Variants in SLC4A5 observed in about 807,000 individuals in gnomAD.
SLC4A5 encodes the protein electrogenic sodium bicarbonate cotransporter 4.
SLC4A5 carries 96 observed loss-of-function variants against 120.4 expected under a neutral mutation model. The observed-to-expected ratio is 0.80, with a 90% CI of 0.68 to 0.94. The LOEUF is 0.94. SLC4A5 is among the 40% of genes least tolerant of loss of function. The pLI is 0.00. For synonymous variants in SLC4A5, 550 were observed against 571.1 expected (o/e 0.96, Z 0.53); for missense variants, 1,259 against 1,459.5 (o/e 0.86, Z 2.24).
intron 25 of SLC4A5, among the ~76,000 whole-genome samples, chr2:74,228,866 A>G (rs1202942135): frequency 6.6e-6 from 1 of 152,072 alleles, no homozygotes; most frequent in Non-Finnish European, 1.5e-5. Flanking sequence ...ATCCCACTCT[A>G]CAAGAATGAT....
chr2:74,227,763 G>A (rs1694901342), intron 26 of SLC4A5, 47 bp downstream of exon 26: 1 of 1,512,340 alleles, frequency 6.6e-7, no homozygotes, highest in South Asian at 1.2e-5. Context: ...AACCAGACAT[G>A]GAATGTTGAC....
chr2:74,313,767 G>T (rs1001125970), intron 6 of SLC4A5, among the ~76,000 whole-genome samples: 1 of 152,216 alleles, frequency 6.6e-6, no homozygotes, highest in Non-Finnish European at 1.5e-5. Context: ...TTAGAGGTAA[G>T]TAGTTCCACT....
rs114016623 is a variant in SLC4A5, at chr2:74,259,111, C to T, written c.867+477G>A. Among the ~76,000 whole-genome samples, 901 of 152,256 alleles carry T rather than the reference C, an allele frequency of 5.9e-3. 9 individuals are homozygous for T. The highest frequency in any genetic ancestry group is 0.019 in the African/African-American group (772 of 41,536). On this transcript the variant is annotated intron_variant, in intron 12 of 30. Transcript: ENST00000394019. ...TGTTTGCAGAATTCTGATCTCATCA[C>T]GAGGGTTTCAGCCCAGTTCATGGGA...
At chr2:74,303,941 C>G (rs982801230) in intron 7 of SLC4A5, among the ~76,000 whole-genome samples, 1 of 151,144 alleles carries the variant, frequency 6.6e-6, no homozygotes, top group African/African-American at 2.4e-5. Flanking sequence ...GCTCCGCCTC[C>G]CGGGTTCACG....
chr2:74,264,615 T>C (rs1257083188), intron 9 of SLC4A5, among the ~76,000 whole-genome samples: 1 of 152,120 alleles, frequency 6.6e-6, no homozygotes, highest in Non-Finnish European at 1.5e-5. Flanking sequence ...TCAATGGTTT[T>C]AGTCCTAAAA....
intron 18 of SLC4A5, 86 bp downstream of exon 18, chr2:74,248,267 C>T: frequency 6.5e-7 from 1 of 1,534,960 alleles, no homozygotes; most frequent in Non-Finnish European, 8.8e-7. Flanking sequence ...CCACCACCTA[C>T]CCTTGGGACC....
intron 5 of SLC4A5, 51 bp from the exon 6 acceptor site, chr2:74,315,076 G>T: frequency 6.9e-7 from 1 of 1,443,454 alleles, no homozygotes; most frequent in Non-Finnish European, 9.8e-7. Context: ...AAAAAGGGTA[G>T]GATTTCAAGG....
intron 16 of SLC4A5, 89 bp from the exon 17 acceptor site, chr2:74,250,606 C>A: frequency 2.7e-6 from 4 of 1,504,914 alleles, no homozygotes; most frequent in Non-Finnish European, 3.6e-6. Flanking sequence ...GAGTCTGGGG[C>A]GAGGAAAGGA....
At chr2:74,248,285 C>T in intron 18 of SLC4A5, 68 bp downstream of exon 18, 1 of 1,575,448 alleles carries the variant, frequency 6.3e-7, no homozygotes, top group South Asian at 1.2e-5. Flanking sequence ...ACCTATTCCC[C>T]TGCCCTAGCC....
chr2:74,273,937 G>A (rs1671556365), intron 8 of SLC4A5, among the ~76,000 whole-genome samples: 1 of 152,236 alleles, frequency 6.6e-6, no homozygotes, highest in African/African-American at 2.4e-5. Context: ...GCCAAGGCAG[G>A]CAGATCCCTT....
intron 8 of SLC4A5, among the ~76,000 whole-genome samples, chr2:74,266,444 T>A (rs1347267926): frequency 6.6e-6 from 1 of 152,110 alleles, no homozygotes; most frequent in East Asian, 1.9e-4. Context: ...AATTTTTGTA[T>A]TTTTTGTAGA....
At chr2:74,281,893 G>A (rs1031168796) in intron 8 of SLC4A5, among the ~76,000 whole-genome samples, 13 of 152,144 alleles carry the variant, frequency 8.5e-5, no homozygotes, top group South Asian at 2.1e-4. Flanking sequence ...GACCATAACC[G>A]TCTTGGAGCC....
chr2:74,323,349 G>C (rs1055826454), intron 5 of SLC4A5, among the ~76,000 whole-genome samples: 1 of 152,182 alleles, frequency 6.6e-6, no homozygotes, highest in African/African-American at 2.4e-5. Flanking sequence ...AGTAGGGGTA[G>C]AAGACATTTC....
At chr2:74,267,750 C>A (rs562567470) in intron 8 of SLC4A5, among the ~76,000 whole-genome samples, 1 of 152,342 alleles carries the variant, frequency 6.6e-6, no homozygotes, top group South Asian at 2.1e-4. Flanking sequence ...GATTCCAGCA[C>A]TTTGGGAGGC....
chr2:74,221,402 AAT>A (rs1227341284), intron 30 of SLC4A5, 30 bp downstream of exon 30: 95 of 1,510,978 alleles, frequency 6.3e-5, no homozygotes, highest in Non-Finnish European at 8.5e-5. Context: ...TCTCTTACCT[AAT>A]ACGCAAGGAG....
intron 8 of SLC4A5, among the ~76,000 whole-genome samples, chr2:74,273,857 G>A (rs1407216726): frequency 6.6e-6 from 1 of 152,186 alleles, no homozygotes; most frequent in Non-Finnish European, 1.5e-5. Context: ...GTGGAAGGAA[G>A]ATTTTTCAAA....
intron 7 of SLC4A5, among the ~76,000 whole-genome samples, chr2:74,301,744 T>C (rs1399410056): frequency 1.3e-5 from 2 of 152,204 alleles, no homozygotes; most frequent in Non-Finnish European, 2.9e-5. Context: ...TGCTTAGAAG[T>C]GAAAGACTGA....
intron 20 of SLC4A5, 122 bp from the exon 21 acceptor site, chr2:74,239,657 C>G (rs77623490): frequency 3.0e-5 from 27 of 899,280 alleles, no homozygotes; most frequent in Admixed American, 4.5e-5. Context: ...CCCCAGCCCC[C>G]CAGAGTGATG....
At chr2:74,244,231 G>T (rs1234422956) in intron 19 of SLC4A5, among the ~76,000 whole-genome samples, 2 of 152,108 alleles carry the variant, frequency 1.3e-5, no homozygotes, top group African/African-American at 4.8e-5. Flanking sequence ...TCTTACTGGG[G>T]TTTAGTGGTC....
Sources: gnomAD v4.1 joint callset for allele counts (sites outside exome capture counted in the v4.1 genomes callset) on GRCh38, gnomAD v4.1.1 for gene constraint, MANE v1.5 for transcripts, NCBI Gene and HGNC (gene_info 2026-07-23, HGNC 2026-07-21) for gene names.